RUNDC3B: variants seen among roughly 807,000 people sequenced by gnomAD.
RUNDC3B encodes the protein RUN domain-containing protein 3B.
In RUNDC3B, 33 loss-of-function variants were observed where a neutral mutation model predicts 58.4. The observed-to-expected ratio is 0.56, with a 90% CI of 0.43 to 0.75. The LOEUF (loss-of-function observed/expected upper bound fraction) is 0.75. Ranked by LOEUF, RUNDC3B falls within the 30% of genes least tolerant of loss-of-function variation. The pLI is 0.00. For missense variants in RUNDC3B, 501 were observed against 535.7 expected (o/e 0.94, Z 0.64); for synonymous variants, 193 against 195.2 (o/e 0.99, Z 0.10).
chr7:87,706,812 G>T (rs1829636281), intron 3 of RUNDC3B, among the ~76,000 whole-genome samples: 1 of 152,168 alleles, frequency 6.6e-6, no homozygotes, highest in Non-Finnish European at 1.5e-5. Flanking sequence ...TTCCTATGGG[G>T]TTGTTGCCAA....
rs1490383408 is a variant in RUNDC3B at position 87,823,777 on chromosome 7, C to T, written c.1226-6108C>T. Among the ~76,000 whole-genome samples, 22 of 150,222 alleles carry T rather than the reference C, an allele frequency of 1.5e-4. No individual in the cohort carries two copies. The Admixed American group carries it at 1.5e-3, about 10-fold the overall frequency. Reference sequence around the variant, plus strand: ...TTCCTTTTTATGAATGAGTAGTATTCCATTTCATATATATACACACACACA... The same window carrying T: ...TTCCTTTTTATGAATGAGTAGTATTTCATTTCATATATATACACACACACA... On this transcript the variant is annotated intron_variant, in intron 10 of 10. Transcript: ENST00000394654.
intron 3 of RUNDC3B, among the ~76,000 whole-genome samples, chr7:87,708,922 T>C (rs1003946874): frequency 6.6e-6 from 1 of 152,154 alleles, no homozygotes; most frequent in African/African-American, 2.4e-5. Flanking sequence ...CTTGATTACT[T>C]TTACTTATTT....
intron 8 of RUNDC3B, among the ~76,000 whole-genome samples, chr7:87,802,230 A>G (rs1054193111): frequency 3.3e-5 from 5 of 151,996 alleles, no homozygotes; most frequent in Non-Finnish European, 5.9e-5. Flanking sequence ...GGGTCTCTAT[A>G]AAAGATGCAA....
chr7:87,819,732 C>T (rs1489570882), intron 10 of RUNDC3B, among the ~76,000 whole-genome samples: 3 of 152,196 alleles, frequency 2.0e-5, no homozygotes, highest in Admixed American at 2.0e-4. Context: ...GACTAAGAAA[C>T]TCACTCAAAA....
chr7:87,738,464 G>T (rs1832120361), intron 4 of RUNDC3B, among the ~76,000 whole-genome samples: 1 of 151,974 alleles, frequency 6.6e-6, no homozygotes, highest in Non-Finnish European at 1.5e-5. Flanking sequence ...TTCCAAGCCA[G>T]TCTCCCCACT....
At chr7:87,653,774 C>A (rs1823811198) in intron 2 of RUNDC3B, among the ~76,000 whole-genome samples, 1 of 151,842 alleles carries the variant, frequency 6.6e-6, no homozygotes, top group African/African-American at 2.4e-5. Context: ...TTTCTTTAAT[C>A]TTCTGGAACC....
intron 9 of RUNDC3B, among the ~76,000 whole-genome samples, chr7:87,812,563 C>T (rs1199338547): frequency 1.3e-5 from 2 of 152,080 alleles, no homozygotes. Context: ...GAACCAAGAT[C>T]GTGCCATTGC....
chr7:87,674,816 A>C (rs1043574424), intron 2 of RUNDC3B, among the ~76,000 whole-genome samples: 4 of 152,138 alleles, frequency 2.6e-5, no homozygotes, highest in African/African-American at 9.7e-5. Context: ...TGCTTAGATC[A>C]GACTGGCTTT....
chr7:87,781,349 T>C (rs1834910290), intron 8 of RUNDC3B, among the ~76,000 whole-genome samples: 1 of 152,176 alleles, frequency 6.6e-6, no homozygotes, highest in Admixed American at 6.5e-5. Flanking sequence ...ACCCTGAAAC[T>C]TTACTGAAGT....
intron 2 of RUNDC3B, among the ~76,000 whole-genome samples, chr7:87,696,024 G>A (rs1268335342): frequency 6.6e-6 from 1 of 152,078 alleles, no homozygotes; most frequent in East Asian, 1.9e-4. Context: ...TTCACCATTT[G>A]TTTCTGTGCC....
chr7:87,754,340 T>G (rs1320236428), intron 6 of RUNDC3B, among the ~76,000 whole-genome samples: 2 of 152,124 alleles, frequency 1.3e-5, no homozygotes, highest in African/African-American at 4.8e-5. Flanking sequence ...CTGATTGACT[T>G]TTGGGTAAAT....
chr7:87,665,040 T>C (rs1254697219), intron 2 of RUNDC3B, among the ~76,000 whole-genome samples: 1 of 152,114 alleles, frequency 6.6e-6, no homozygotes, highest in Non-Finnish European at 1.5e-5. Flanking sequence ...ATCAAGAACA[T>C]GACAAGGGAA....
chr7:87,744,997 C>T (rs1046817508), intron 6 of RUNDC3B, among the ~76,000 whole-genome samples: 1 of 151,972 alleles, frequency 6.6e-6, no homozygotes, highest in African/African-American at 2.4e-5. Context: ...CCTTGTATGC[C>T]GATTTTGCTG....
chr7:87,700,295 G>T, intron 2 of RUNDC3B, 126 bp from the exon 3 acceptor site: 1 of 696,366 alleles, frequency 1.4e-6, no homozygotes, highest in Non-Finnish European at 2.3e-6. Flanking sequence ...CACCTAGATT[G>T]GTGGTGCCCT....
At chr7:87,820,006 A>C (rs1484895896) in intron 10 of RUNDC3B, among the ~76,000 whole-genome samples, 1 of 152,170 alleles carries the variant, frequency 6.6e-6, no homozygotes, top group African/African-American at 2.4e-5. Context: ...ACACATTCAA[A>C]AGCTAGCAGA....
chr7:87,650,713 T>C (rs1375788587), intron 1 of RUNDC3B, 109 bp from the exon 2 acceptor site: 1 of 697,774 alleles, frequency 1.4e-6, no homozygotes, highest in African/African-American at 1.8e-5. Context: ...TGTTATACTC[T>C]TGTAAAATAT....
intron 1 of RUNDC3B, among the ~76,000 whole-genome samples, chr7:87,645,838 C>A (rs1334987373): frequency 1.3e-5 from 2 of 151,796 alleles, no homozygotes; most frequent in African/African-American, 2.4e-5. Context: ...AATCGGTTAG[C>A]TGAAAGTGAA....
rs192109306 is a variant in RUNDC3B at position 87,792,096 on chromosome 7, A to G, written c.956+14141A>G. The stretch of plus-strand genomic sequence containing the variant: ...CTTATATCAGACAAAATAGACTCCA[A>G]TCCAAACTATAAGAAGAGAGAAAGA... On this transcript the variant is annotated intron_variant, in intron 8 of 10. Coordinates refer to ENST00000394654, the MANE Select transcript of RUNDC3B (RefSeq NM_001134405.2). 2.2e-3 allele frequency among the ~76,000 whole-genome samples: 329 copies of G among 152,208 alleles called. 4 individuals carry two copies. Among genetic ancestry groups the G allele is most frequent in the African/African-American group, 7.7e-3 (318 of 41,568 alleles).
intron 6 of RUNDC3B, among the ~76,000 whole-genome samples, chr7:87,750,772 G>A (rs1259457987): frequency 6.6e-6 from 1 of 150,794 alleles, no homozygotes; most frequent in Non-Finnish European, 1.5e-5. Flanking sequence ...GTAGATTCTG[G>A]ATATTAGCCC....
Sources: allele counts gnomAD v4.1 joint callset (sites outside exome capture counted in the v4.1 genomes callset), GRCh38; gene constraint gnomAD v4.1.1; transcripts MANE v1.5; gene names NCBI Gene and HGNC (gene_info 2026-07-23, HGNC 2026-07-21).